Variants in C1orf146 observed in about 807,000 individuals in gnomAD.
C1orf146 encodes the protein chromosome 1 open reading frame 146.
C1orf146 carries 22 observed loss-of-function variants against 23.0 expected under a neutral mutation model. That is an observed-to-expected ratio of 0.96 (90% CI 0.68 to 1.36). The LOEUF is 1.36. Among genes scored for constraint, C1orf146 ranks in the 40% most tolerant of loss-of-function variants. The pLI is 0.00. For missense variants in C1orf146, 199 were observed against 206.8 expected (o/e 0.96, Z 0.23); for synonymous variants, 59 against 65.3 (o/e 0.90, Z 0.47).
chr1:92,236,235 A>T (rs973715124), intron 2 of C1orf146, among the ~76,000 whole-genome samples: 2 of 152,028 alleles, frequency 1.3e-5, no homozygotes, highest in Non-Finnish European at 2.9e-5. Flanking sequence ...ATGATTTTGC[A>T]GCGGCTGGTA....
At chr1:92,240,250 G>GAT (rs1247031672) in intron 2 of C1orf146, among the ~76,000 whole-genome samples, 1 of 152,222 alleles carries the variant, frequency 6.6e-6, no homozygotes, top group Non-Finnish European at 1.5e-5. Context: ...TGAGCTGGCA[G>GAT]ATGCCCTCAG....
chr1:92,243,546 C>T (rs1652482503), intron 3 of C1orf146, among the ~76,000 whole-genome samples: 1 of 152,070 alleles, frequency 6.6e-6, no homozygotes, highest in Non-Finnish European at 1.5e-5. Flanking sequence ...AGGGTTTCAC[C>T]ATGTTGGTCA....
intron 1 of C1orf146, chr1:92,228,900 A>G: frequency 2.4e-6 from 1 of 411,264 alleles, no homozygotes; most frequent in Non-Finnish European, 4.7e-6. Context: ...TTCTTTTCGA[A>G]GGCTTATTCC....
At chr1:92,238,735 A>G (rs1228810729) in intron 2 of C1orf146, among the ~76,000 whole-genome samples, 1 of 152,134 alleles carries the variant, frequency 6.6e-6, no homozygotes, top group African/African-American at 2.4e-5. Flanking sequence ...TATTCCTAAC[A>G]TTGTACCCAA....
intron 2 of C1orf146, among the ~76,000 whole-genome samples, chr1:92,234,879 A>G (rs1347585538): frequency 6.6e-6 from 1 of 151,882 alleles, no homozygotes; most frequent in African/African-American, 2.4e-5. Context: ...TTTATTCTAG[A>G]TTTTCTAGTT....
chr1:92,232,888 T>C (rs1422310951), intron 2 of C1orf146, among the ~76,000 whole-genome samples: 1 of 152,232 alleles, frequency 6.6e-6, no homozygotes, highest in African/African-American at 2.4e-5. Flanking sequence ...CATGTGTTTT[T>C]TGGCTGCATA....
At chr1:92,227,445 A>G (rs1399071149) in intron 1 of C1orf146, among the ~76,000 whole-genome samples, 1 of 152,210 alleles carries the variant, frequency 6.6e-6, no homozygotes, top group Non-Finnish European at 1.5e-5. Flanking sequence ...AGGCTGAGGC[A>G]GGAGAATGGC....
At chr1:92,244,561 A>G (rs1652522662) in intron 4 of C1orf146, among the ~76,000 whole-genome samples, 176 bp downstream of exon 4, 1 of 152,210 alleles carries the variant, frequency 6.6e-6, no homozygotes, top group African/African-American at 2.4e-5. Flanking sequence ...AGGGTTCATG[A>G]TGTTGCAAGG....
chr1:92,220,803 C>T (rs1304571334), intron 1 of C1orf146, among the ~76,000 whole-genome samples: 1 of 152,134 alleles, frequency 6.6e-6, no homozygotes, highest in Non-Finnish European at 1.5e-5. Context: ...TAAACAAAAG[C>T]ATGAAGAATG....
chr1:92,220,242 C>G (rs1345529135), intron 1 of C1orf146, among the ~76,000 whole-genome samples: 1 of 152,122 alleles, frequency 6.6e-6, no homozygotes, highest in Non-Finnish European at 1.5e-5. Context: ...GCTAGGTGTA[C>G]TTGTTGCTAG....
At chr1:92,237,090 CCTT>C (rs780735637) in intron 2 of C1orf146, among the ~76,000 whole-genome samples, 4 of 152,138 alleles carry the variant, frequency 2.6e-5, no homozygotes, top group Admixed American at 6.5e-5. Context: ...TTGTCTGAAG[CCTT>C]CTTCTCTCAA....
chr1:92,240,913 G>A, intron 2 of C1orf146: 1 of 462,772 alleles, frequency 2.2e-6, no homozygotes, highest in Non-Finnish European at 4.5e-6. Flanking sequence ...GGGTGGAATA[G>A]GAAATCAGGT....
intron 1 of C1orf146, among the ~76,000 whole-genome samples, chr1:92,219,797 G>A (rs1364129346): frequency 6.6e-6 from 1 of 151,996 alleles, no homozygotes; most frequent in Non-Finnish European, 1.5e-5. Context: ...TTGAATTATA[G>A]GTGTGTGCCA....
intron 1 of C1orf146, chr1:92,229,583 C>T: frequency 3.3e-6 from 1 of 305,216 alleles, no homozygotes; most frequent in Non-Finnish European, 6.5e-6. Context: ...GGTCTTCCAA[C>T]TCCAGTGTGC....
chr1:92,220,438 C>T (rs903876975), intron 1 of C1orf146, among the ~76,000 whole-genome samples: 3 of 152,144 alleles, frequency 2.0e-5, no homozygotes, highest in African/African-American at 7.2e-5. Context: ...AGTGTAATTA[C>T]ACAAACTTAG....
chr1:92,229,916 G>C (rs1257506097), intron 1 of C1orf146, among the ~76,000 whole-genome samples: 1 of 152,150 alleles, frequency 6.6e-6, no homozygotes, highest in Non-Finnish European at 1.5e-5. Context: ...TAGAAAAGTA[G>C]CAGATTTAGA....
intron 2 of C1orf146, among the ~76,000 whole-genome samples, chr1:92,237,798 T>A (rs188472261): frequency 6.6e-6 from 1 of 152,378 alleles, no homozygotes. Flanking sequence ...TTGAACTTTA[T>A]GAAATTTACA....
At chr1:92,240,244 C>A (rs991488664) in intron 2 of C1orf146, among the ~76,000 whole-genome samples, 5 of 152,220 alleles carry the variant, frequency 3.3e-5, no homozygotes, top group African/African-American at 1.2e-4. Context: ...TCTTTCTGAG[C>A]TGGCAGATGC....
chr1:92,219,845 G>A (rs1309055195), intron 1 of C1orf146, among the ~76,000 whole-genome samples: 5 of 152,068 alleles, frequency 3.3e-5, no homozygotes, highest in African/African-American at 4.8e-5. Flanking sequence ...TAAGGTTGGA[G>A]TATATATACA....
Sources: allele counts gnomAD v4.1 joint callset (sites outside exome capture counted in the v4.1 genomes callset), GRCh38; gene constraint gnomAD v4.1.1; transcripts MANE v1.5; gene names NCBI Gene and HGNC (gene_info 2026-07-23, HGNC 2026-07-21).